Variants in TANC2 observed in about 807,000 individuals in gnomAD.
TANC2 encodes protein TANC2.
In TANC2, 26 loss-of-function variants were observed where a neutral mutation model predicts 210.5. The observed-to-expected ratio is 0.12, with a 90% CI of 0.09 to 0.17. TANC2 has a LOEUF of 0.17. Ranked by LOEUF, TANC2 falls within the 10% of genes least tolerant of loss-of-function variation. The pLI, the probability that TANC2 is intolerant of heterozygous loss-of-function variation, is 1.00. For missense variants in TANC2, 2,129 were observed against 2,608.9 expected, an observed-to-expected ratio of 0.82 and a Z score of 4.01; for synonymous variants, 931 against 967.1, an observed-to-expected ratio of 0.96 and a Z score of 0.69.
intron 4 of TANC2, 41 bp downstream of exon 4, chr17:63,099,398 C>T (rs753120186): frequency 1.1e-4 from 156 of 1,405,968 alleles, no homozygotes; most frequent in Admixed American, 5.1e-4. Context: ...AACAGGAAAC[C>T]TAACGATATG....
At chr17:63,123,601 T>G (rs2038575504) in intron 4 of TANC2, among the ~76,000 whole-genome samples, 1 of 151,014 alleles carries the variant, frequency 6.6e-6, no homozygotes, top group Non-Finnish European at 1.5e-5. Flanking sequence ...TTCAGCACTT[T>G]GAAAATAAGT....
intron 14 of TANC2, among the ~76,000 whole-genome samples, chr17:63,368,910 A>G (rs2047184877): frequency 6.6e-6 from 1 of 152,248 alleles, no homozygotes; most frequent in Non-Finnish European, 1.5e-5. Flanking sequence ...GATGAGTTCT[A>G]GAAACCTGGC....
chr17:63,032,807 A>G (rs2034825453), intron 2 of TANC2, among the ~76,000 whole-genome samples: 1 of 152,106 alleles, frequency 6.6e-6, no homozygotes, highest in Non-Finnish European at 1.5e-5. Context: ...GTATCCTACA[A>G]TTTAATTCTG....
At chr17:63,401,901 A>G (rs948460785) in intron 19 of TANC2, among the ~76,000 whole-genome samples, 1 of 152,152 alleles carries the variant, frequency 6.6e-6, no homozygotes, top group African/African-American at 2.4e-5. Flanking sequence ...TGCCCTCATC[A>G]TCATTTGCCT....
intron 3 of TANC2, among the ~76,000 whole-genome samples, chr17:63,081,167 A>G (rs771463528): frequency 1.2e-4 from 19 of 152,138 alleles, no homozygotes; most frequent in Non-Finnish European, 2.2e-4. Context: ...AATTTGTTGT[A>G]GATTTTTTAA....
At chr17:63,174,927 T>C (rs2040525573) in intron 5 of TANC2, among the ~76,000 whole-genome samples, 2 of 152,130 alleles carry the variant, frequency 1.3e-5, no homozygotes, top group South Asian at 4.2e-4. Flanking sequence ...TTAGCAAAAT[T>C]TGATCAAGAC....
rs186172426 is a variant in TANC2 at position 63,374,063 on chromosome 17, G to A, written c.2583-5655G>A. Among the ~76,000 whole-genome samples the A allele has an allele frequency of 4.3e-3, 596 of 140,230 alleles. 6 individuals carry two copies. The highest frequency in any genetic ancestry group is 0.016 in the African/African-American group (574 of 36,076). The allele number at this position is 140,230 out of a possible 152,430, so 92.0% of individuals were successfully genotyped here. ...TTTTTTTTTTTTTTTTTGAGTCAGG[G>A]CCTCGCTGTGTTGCCCAGGCTGGAG... is the stretch of plus-strand genomic sequence containing the variant. On this transcript the variant is annotated intron_variant, in intron 14 of 27. Coordinates refer to ENST00000689528, the Ensembl canonical transcript of TANC2.
chr17:63,167,348 ATGTT>A (rs1254964500), intron 5 of TANC2, among the ~76,000 whole-genome samples: 3 of 152,312 alleles, frequency 2.0e-5, no homozygotes, highest in Non-Finnish European at 4.4e-5. Flanking sequence ...ATTATATTGT[ATGTT>A]CTACAAGTAT....
chr17:63,175,745 G>A (rs1251294532), intron 5 of TANC2, among the ~76,000 whole-genome samples: 1 of 152,056 alleles, frequency 6.6e-6, no homozygotes, highest in African/African-American at 2.4e-5. Context: ...CCATAAAATA[G>A]GAGAAAATAT....
intron 26 of TANC2, among the ~76,000 whole-genome samples, chr17:63,417,002 CTTT>C (rs2048884571): frequency 6.6e-6 from 1 of 152,202 alleles, no homozygotes; most frequent in African/African-American, 2.4e-5. Flanking sequence ...AAATAATAGA[CTTT>C]TTAAAAATGC....
chr17:63,387,413 G>T (rs963812520), intron 15 of TANC2, among the ~76,000 whole-genome samples: 1 of 152,116 alleles, frequency 6.6e-6, no homozygotes, highest in South Asian at 2.1e-4. Flanking sequence ...GGTCTTGTTA[G>T]ATGAATTTAT....
intron 26 of TANC2, among the ~76,000 whole-genome samples, chr17:63,416,829 C>T (rs1305704940): frequency 6.6e-6 from 1 of 152,206 alleles, no homozygotes; most frequent in Non-Finnish European, 1.5e-5. Flanking sequence ...GGCCCCCCAA[C>T]CCCGGGAAGG....
At chr17:62,973,152 C>T (rs1172627115) in intron 1 of TANC2, among the ~76,000 whole-genome samples, 2 of 152,044 alleles carry the variant, frequency 1.3e-5, no homozygotes, top group African/African-American at 2.4e-5. Flanking sequence ...GCCTCAGCCT[C>T]CTGAGTAGCT....
chr17:63,247,706 C>A (rs910999576), intron 8 of TANC2, among the ~76,000 whole-genome samples: 3 of 152,028 alleles, frequency 2.0e-5, no homozygotes, highest in Admixed American at 6.6e-5. Context: ...GGTAAATATA[C>A]CATCAGAGAT....
intron 1 of TANC2, among the ~76,000 whole-genome samples, chr17:63,002,362 G>T (rs888422253): frequency 6.6e-6 from 1 of 152,064 alleles, no homozygotes; most frequent in Non-Finnish European, 1.5e-5. Flanking sequence ...TTTAGTTATC[G>T]CATGTATATC....
rs1208154616 is a variant in TANC2 at position 63,254,605 on chromosome 17, A to G, written c.1034-13143A>G. On this transcript the variant is annotated intron_variant, in intron 8 of 27. Coordinates refer to ENST00000689528, the Ensembl canonical transcript of TANC2. Reference sequence around the variant, plus strand: ...TTCCCCATTCAGTATGATACTAGCTATGAGTCTGTCGTATATGTCTTTTAT... The same window carrying G: ...TTCCCCATTCAGTATGATACTAGCTGTGAGTCTGTCGTATATGTCTTTTAT... Among the ~76,000 whole-genome samples, 3 of 152,166 alleles carry G rather than the reference A, an allele frequency of 2.0e-5. No individual in the cohort carries two copies. In the East Asian group the frequency reaches 5.8e-4, roughly 29 times the overall value.
intron 4 of TANC2, among the ~76,000 whole-genome samples, chr17:63,129,534 A>G (rs985439045): frequency 1.3e-5 from 2 of 152,160 alleles, no homozygotes; most frequent in Admixed American, 6.5e-5. Flanking sequence ...CCTGGCCAAT[A>G]TGATGAAACC....
At chr17:63,414,363 G>A (rs1799734114) in intron 25 of TANC2, 1 of 152,220 alleles carries the variant, frequency 6.6e-6, no homozygotes, top group Non-Finnish European at 1.5e-5. Flanking sequence ...ACCTGTGTCA[G>A]GAGTGTACAA....
intron 5 of TANC2, among the ~76,000 whole-genome samples, chr17:63,164,605 GA>G (rs1033243961): frequency 1.1e-4 from 17 of 152,076 alleles, no homozygotes; most frequent in African/African-American, 3.9e-4. Context: ...AAAGTTCCAA[GA>G]ACTGCCACCT....
Sources: gnomAD v4.1 joint callset for allele counts (sites outside exome capture counted in the v4.1 genomes callset) on GRCh38, gnomAD v4.1.1 for gene constraint, MANE v1.5 for transcripts, NCBI Gene and HGNC (gene_info 2026-07-23, HGNC 2026-07-21) for gene names.